GSK3A: variants seen among roughly 807,000 people sequenced by gnomAD.
GSK3A encodes glycogen synthase kinase-3 alpha.
In GSK3A, 14 loss-of-function variants were observed where a neutral mutation model predicts 56.6. That is an observed-to-expected ratio of 0.25 (90% CI 0.16 to 0.39). The LOEUF (loss-of-function observed/expected upper bound fraction) is 0.39, where lower values mean the gene tolerates loss of function less well. Ranked by LOEUF, GSK3A falls within the 10% of genes least tolerant of loss-of-function variation. GSK3A has a pLI of 1.00. For synonymous variants in GSK3A, 301 were observed against 285.0 expected (o/e 1.06, Z -0.56); for missense variants, 450 against 656.0 (o/e 0.69, Z 3.43).
In GSK3A at chr19:42,235,297, A is replaced by G. The variant is rs1179453037; in HGVS notation, c.667-619T>C. Among the ~76,000 whole-genome samples the G allele has an allele frequency of 6.6e-5, 10 of 152,286 alleles. No homozygotes were observed. In the East Asian group the frequency reaches 1.9e-3, roughly 29 times the overall value. ...GGCAGAAGCCTGATGAGTAAGGTAC[A>G]TCGGGAGGTTGTCATAAAACAGGCT... On this transcript the variant is annotated intron_variant, in intron 4 of 10. Coordinates refer to ENST00000222330, the MANE Select transcript of GSK3A (RefSeq NM_019884.3).
chr19:42,240,151 C>A lies in GSK3A; in HGVS notation c.284-9G>T, dbSNP rs202005194. On this transcript the variant is annotated splice_polypyrimidine_tract_variant and intron_variant, in intron 1 of 10. Transcript: ENST00000222330. ...CACCTTCCCGCTGTCACCTGGGGAA[C>A]AAAGGGGATACACGATCCACTGACC... 1.9e-6 allele frequency: 3 copies of A among 1,613,538 alleles called. No individual in the cohort carries two copies. In the Admixed American group the frequency reaches 5.0e-5, roughly 27 times the overall value.
rs2036301293 is a variant in GSK3A at position 42,242,558 on chromosome 19, T to C, written c.-93A>G. On this transcript the variant is annotated 5_prime_UTR_variant, in exon 1 of 11. Transcript: ENST00000222330. ...GCCGCCTCCCCCGGGCCCTGGCCTCTTCCAGGCCGCGCCGCTCTGGCTTGG... is the reference window on the plus strand; with the variant it reads ...GCCGCCTCCCCCGGGCCCTGGCCTCCTCCAGGCCGCGCCGCTCTGGCTTGG... 2.1e-6 allele frequency: 2 copies of C among 961,676 alleles called. No homozygotes were observed. The highest frequency in any genetic ancestry group is 1.3e-6 in the Non-Finnish European group (1 of 781,422). 59.6% of individuals were successfully genotyped at this position (961,676 alleles called of 1,614,324 possible). A position where few individuals can be genotyped will look rare whatever the true frequency, so the allele number is the denominator to read the frequency against.
At chr19:42,232,851 A>G (rs142572998) in intron 8 of GSK3A, 169 bp from the exon 9 acceptor site, 110 of 621,414 alleles carry the variant, frequency 1.8e-4, no homozygotes, top group Admixed American at 1.3e-3. Context: ...GTCAGTTTGT[A>G]TCGGGTAAGC....
intron 1 of GSK3A, chr19:42,241,491 A>G (rs1172011523): frequency 6.6e-6 from 1 of 152,220 alleles, no homozygotes; most frequent in Non-Finnish European, 1.5e-5. Context: ...ACACCAAGCC[A>G]TGTATTTTAA....
chr19:42,242,289 G>A lies in GSK3A; in HGVS notation c.177C>T (p.Gly59=). 1.4e-6 allele frequency: 2 copies of A among 1,439,596 alleles called. No homozygotes were observed. The highest frequency in any genetic ancestry group is 9.1e-7 in the Non-Finnish European group (1 of 1,102,732). 89.2% of individuals were successfully genotyped at this position (1,439,596 alleles called of 1,614,324 possible). ...CACCCCCGGAGCTCGAGGCCCCGAC[G>A]CCCCCACCCATGGCCCCGACAGATG... is the stretch of plus-strand genomic sequence containing the variant. ...GKASVGAMGG[G]VGASSSGGGP... is the part of the protein sequence containing the mutation. Residue 59 remains glycine, a synonymous_variant, in exon 1 of 11, where the codon GGC becomes GGT. Transcript: ENST00000222330.
intron 2 of GSK3A, among the ~76,000 whole-genome samples, chr19:42,238,975 A>G (rs2036275498): frequency 6.6e-6 from 1 of 152,076 alleles, no homozygotes; most frequent in African/African-American, 2.4e-5. Context: ...TCTCAAAAAA[A>G]AAAAATCAGG....
intron 1 of GSK3A, 105 bp from the exon 2 acceptor site, chr19:42,240,247 G>A: frequency 9.7e-7 from 1 of 1,031,968 alleles, no homozygotes; most frequent in Non-Finnish European, 1.5e-6. Flanking sequence ...AGCTCGTTGG[G>A]GACCTCTTTG....
intron 2 of GSK3A, among the ~76,000 whole-genome samples, chr19:42,237,841 T>G (rs988043254): frequency 9.9e-5 from 15 of 151,622 alleles, no homozygotes; most frequent in Non-Finnish European, 1.6e-4. Context: ...ATCGCGCCAC[T>G]GCACTCCAGC....
At chr19:42,233,453 T>G in intron 6 of GSK3A, 70 bp from the exon 7 acceptor site, 1 of 1,015,382 alleles carries the variant, frequency 9.8e-7, no homozygotes. Flanking sequence ...CTTTTATTCC[T>G]CATGGCCATC....
Position 42,242,360 on chromosome 19 carries a change from G to T in GSK3A, c.106C>A (p.Pro36Thr). The T allele has an allele frequency of 7.1e-7, 1 of 1,405,114 alleles. No individual in the cohort carries two copies. Among genetic ancestry groups the T allele is most frequent in the Non-Finnish European group, 9.2e-7 (1 of 1,082,568 alleles). 87.0% of individuals were successfully genotyped at this position (1,405,114 alleles called of 1,614,324 possible). The change falls in exon 1 of 11, where the codon CCC (proline) becomes ACC (threonine). Residue 36 changes from proline to threonine, a missense_variant. Coordinates refer to ENST00000222330, the MANE Select transcript of GSK3A (RefSeq NM_019884.3). ...CCTGGGCCGGAGGCCGAGCCTCCGGGGCCGCCGCCGCCTCCTCCGCCTCCG... is the reference window on the plus strand; with the variant it reads ...CCTGGGCCGGAGGCCGAGCCTCCGGTGCCGCCGCCGCCTCCTCCGCCTCCG... ...GGGGGGGGGG[P>T]GGSASGPGGT...
intron 2 of GSK3A, among the ~76,000 whole-genome samples, chr19:42,239,065 C>T (rs1054517325): frequency 1.3e-5 from 2 of 152,120 alleles, no homozygotes; most frequent in East Asian, 1.9e-4. Context: ...ACTCTGGTCC[C>T]GTGGAAGCAT....
At chr19:42,233,082 C>A (rs200204744) in intron 8 of GSK3A, 28 bp downstream of exon 8, 42 of 1,438,434 alleles carry the variant, frequency 2.9e-5, no homozygotes, top group Non-Finnish European at 3.6e-5. Flanking sequence ...CTCAGCCATA[C>A]TGCCCTGAGC....
At chr19:42,241,965 C>A in intron 1 of GSK3A, 1 of 406,242 alleles carries the variant, frequency 2.5e-6, no homozygotes, top group Non-Finnish European at 4.3e-6. Context: ...TAACCCGTTT[C>A]TTTAAGTGTT....
chr19:42,238,807 C>CAA (rs112368825), intron 2 of GSK3A, among the ~76,000 whole-genome samples: 4 of 139,090 alleles, frequency 2.9e-5, no homozygotes, highest in African/African-American at 7.9e-5. Context: ...ACTAAAAATA[C>CAA]AAAAAAAAAA....
At chr19:42,236,990 C>T in intron 2 of GSK3A, 49 bp from the exon 3 acceptor site, 1 of 1,248,874 alleles carries the variant, frequency 8.0e-7, no homozygotes, top group South Asian at 1.2e-5. Context: ...CTCTCGGCTG[C>T]TCCTCCCTAC....
intron 3 of GSK3A, 21 bp from the exon 4 acceptor site, chr19:42,236,737 G>T: frequency 6.4e-7 from 1 of 1,572,708 alleles, no homozygotes; most frequent in South Asian, 1.1e-5. Flanking sequence ...CAAAGGAGAG[G>T]TGTGAGGCAC....
At chr19:42,237,405 C>T (rs2036263980) in intron 2 of GSK3A, among the ~76,000 whole-genome samples, 1 of 151,768 alleles carries the variant, frequency 6.6e-6, no homozygotes, top group Non-Finnish European at 1.5e-5. Flanking sequence ...GATCCACCTG[C>T]CTCAGCCTCC....
intron 2 of GSK3A, among the ~76,000 whole-genome samples, chr19:42,238,556 G>A (rs187028289): frequency 3.0e-5 from 4 of 134,748 alleles, no homozygotes; most frequent in African/African-American, 1.1e-4. Context: ...GCAGTGACCC[G>A]AGATCACGCC....
chr19:42,233,452 C>T lies in GSK3A; in HGVS notation c.905-69G>A, dbSNP rs1054723286. 8.8e-6 allele frequency: 9 copies of T among 1,026,966 alleles called. No homozygotes were observed. In the African/African-American group the frequency reaches 1.4e-4, roughly 16 times the overall value. 63.6% of individuals were successfully genotyped at this position (1,026,966 alleles called of 1,614,324 possible). ...CACCAACCTCCCAATGCTTTTATTC[C>T]TCATGGCCATCCTAAGAGTGTCAGG... On this transcript the variant is annotated intron_variant, in intron 6 of 10. Transcript: ENST00000222330.
Sources: allele counts gnomAD v4.1 joint callset (sites outside exome capture counted in the v4.1 genomes callset), GRCh38; gene constraint gnomAD v4.1.1; transcripts MANE v1.5; gene names NCBI Gene and HGNC (gene_info 2026-07-23, HGNC 2026-07-21).